CES5A: variants seen among roughly 807,000 people sequenced by gnomAD.
CES5A encodes carboxylesterase 5.
In CES5A, 67 loss-of-function variants were observed where a neutral mutation model predicts 62.9. That is an observed-to-expected ratio of 1.07 (90% confidence interval 0.88 to 1.31). The LOEUF is 1.31. CES5A is among the 50% of genes most tolerant of loss of function. The pLI, the probability that CES5A is intolerant of heterozygous loss-of-function variation, is 0.00. For synonymous variants in CES5A, 296 were observed against 280.8 expected (o/e 1.05, Z -0.54); for missense variants, 748 against 708.5 (o/e 1.06, Z -0.63).
intron 11 of CES5A, among the ~76,000 whole-genome samples, chr16:55,847,222 A>C (rs1267425626): frequency 6.4e-4 from 78 of 122,672 alleles, no homozygotes; most frequent in Middle Eastern, 4.5e-3. Context: ...TCTCCCTTCC[A>C]TCTCTCTTCC....
At chr16:55,878,354 T>C (rs1376026601), upstream of CES5A, among the ~76,000 whole-genome samples, 2 of 151,946 alleles carry the variant, frequency 1.3e-5, no homozygotes, top group African/African-American at 2.4e-5. Context: ...GGAGTGGTGC[T>C]CTGGTGCTGG....
intron 1 of CES5A, among the ~76,000 whole-genome samples, chr16:55,900,079 C>T (rs1479616741): frequency 6.7e-6 from 1 of 149,922 alleles, no homozygotes; most frequent in Non-Finnish European, 1.5e-5. Flanking sequence ...CAGATCCAGA[C>T]CTGAATGCAG....
chr16:55,857,387 A>G (rs1183523857), intron 8 of CES5A, among the ~76,000 whole-genome samples: 1 of 152,186 alleles, frequency 6.6e-6, no homozygotes, highest in Non-Finnish European at 1.5e-5. Context: ...TTACCGCTTT[A>G]AAATGTGAGG....
intron 5 of CES5A, 36 bp downstream of exon 5, chr16:55,865,927 C>A: frequency 3.7e-6 from 6 of 1,613,638 alleles, no homozygotes; most frequent in Non-Finnish European, 5.1e-6. Flanking sequence ...ACCTCCGGCA[C>A]TGAGATTCAT....
intron 3 of CES5A, among the ~76,000 whole-genome samples, chr16:55,871,317 A>T (rs2033578843): frequency 6.6e-6 from 1 of 152,264 alleles, no homozygotes; most frequent in Non-Finnish European, 1.5e-5. Context: ...CCTCAAATTT[A>T]AGAAAAAAGT....
At chr16:55,928,197 C>T (rs1001497288), upstream of CES5A, among the ~76,000 whole-genome samples, 12 of 151,792 alleles carry the variant, frequency 7.9e-5, no homozygotes, top group East Asian at 9.7e-4. Flanking sequence ...GAGCCAAGAT[C>T]GAGCCACTGC....
At chr16:55,887,401 G>A (rs1001696904) in intron 1 of CES5A, among the ~76,000 whole-genome samples, 368 of 139,328 alleles carry the variant, frequency 2.6e-3, no homozygotes, top group African/African-American at 8.8e-3. Context: ...AAAAAAAAAA[G>A]TTACTACACT....
chr16:55,955,555 A>G (rs1329266013), intron 1 of CES5A, among the ~76,000 whole-genome samples: 5 of 152,240 alleles, frequency 3.3e-5, no homozygotes, highest in Admixed American at 3.3e-4. Context: ...TTTCACTGCC[A>G]TTAAATCGCC....
chr16:55,890,784 G>C (rs1357774945), intron 1 of CES5A, among the ~76,000 whole-genome samples: 1 of 152,066 alleles, frequency 6.6e-6, no homozygotes, highest in Non-Finnish European at 1.5e-5. Flanking sequence ...CCAAAAATCT[G>C]AGACAAGTCT....
intron 1 of CES5A, among the ~76,000 whole-genome samples, chr16:55,906,056 A>G (rs1345583384): frequency 6.6e-6 from 1 of 152,156 alleles, no homozygotes; most frequent in Non-Finnish European, 1.5e-5. Context: ...AAAGTGACAG[A>G]CAGGATTTGA....
intron 1 of CES5A, among the ~76,000 whole-genome samples, chr16:55,892,918 A>C (rs971571890): frequency 6.6e-6 from 1 of 152,164 alleles, no homozygotes; most frequent in Non-Finnish European, 1.5e-5. Context: ...AAATAGGTAA[A>C]AGGATTAGCC....
intron 9 of CES5A, among the ~76,000 whole-genome samples, chr16:55,854,529 T>TTCTTTCTGTTTTCTC (rs2033195140): frequency 1.6e-5 from 1 of 62,004 alleles, no homozygotes; most frequent in Non-Finnish European, 3.3e-5. Context: ...CCTGTAGTGT[T>TTCTTTCTGTTTTCTC]TCTTTTTTTT....
chr16:55,891,529 G>A (rs1298325404), intron 1 of CES5A, among the ~76,000 whole-genome samples: 4 of 152,284 alleles, frequency 2.6e-5, no homozygotes, highest in South Asian at 2.1e-4. Flanking sequence ...AGAACAACTC[G>A]AAGCAAAGGC....
At chr16:55,920,839 A>T (rs946957650) in intron 1 of CES5A, among the ~76,000 whole-genome samples, 31 of 152,224 alleles carry the variant, frequency 2.0e-4, no homozygotes, top group African/African-American at 6.8e-4. Flanking sequence ...TCAAAATAGT[A>T]GTTTTAAGGA....
At chr16:55,858,742 A>G (rs1238748949) in intron 8 of CES5A, among the ~76,000 whole-genome samples, 2 of 152,246 alleles carry the variant, frequency 1.3e-5, no homozygotes, top group African/African-American at 4.8e-5. Flanking sequence ...GAGCTTCAAC[A>G]GTATTAGGAA....
upstream of CES5A, among the ~76,000 whole-genome samples, chr16:55,928,209 C>T (rs1285391755): frequency 1.3e-5 from 2 of 152,020 alleles, no homozygotes; most frequent in Non-Finnish European, 2.9e-5. Flanking sequence ...AGCCACTGCA[C>T]TCCAGCCTGG....
chr16:55,925,483 C>A (rs2034249440), upstream of CES5A: 1 of 151,976 alleles, frequency 6.6e-6, no homozygotes, highest in South Asian at 2.1e-4. Flanking sequence ...AATAGAAGCA[C>A]CATATGATTC....
rs1172927984 is a variant in CES5A, at chr16:55,861,504, C to T, written c.823G>A (p.Ala275Thr). ...YEKSEDLQVV[A>T]HFCGNNASDS... ...GACGCATTGTTACCACAGAAATGTG[C>T]AACCACCTGCAGCTATTTTGTAGAG... The change falls in exon 7 of 13, where the codon GCA becomes ACA. Residue 275 changes from alanine (A) to threonine (T), a missense_variant. By Grantham distance (58) the Ala-to-Thr change is moderately conservative. Transcript: ENST00000290567. The T allele has an allele frequency of 1.2e-6, 2 of 1,610,970 alleles. No homozygotes were observed. The highest frequency in any genetic ancestry group is 2.2e-5 in the East Asian group (1 of 44,850).
chr16:55,869,890 G>T, intron 3 of CES5A, 146 bp from the exon 4 acceptor site: 1 of 1,180,032 alleles, frequency 8.5e-7, no homozygotes, highest in Non-Finnish European at 1.2e-6. Context: ...AGAAGGCCCA[G>T]GGTTAAGCAT....
Sources: gnomAD v4.1 joint callset for allele counts (sites outside exome capture counted in the v4.1 genomes callset) on GRCh38, gnomAD v4.1.1 for gene constraint, MANE v1.5 for transcripts, NCBI Gene and HGNC (gene_info 2026-07-23, HGNC 2026-07-21) for gene names.